GPC6: variants seen among roughly 807,000 people sequenced by gnomAD.
GPC6 encodes the protein glypican-6.
In GPC6, 14 loss-of-function variants were observed where a neutral mutation model predicts 55.2. The observed-to-expected ratio is 0.25, with a 90% CI of 0.17 to 0.40. GPC6 has a LOEUF of 0.40. Among genes scored for constraint, GPC6 ranks in the 10% least tolerant of loss-of-function variants. The probability of loss-of-function intolerance (pLI) is 1.00; values close to 1 mark genes in which losing one functional copy is unlikely to be tolerated. For missense variants in GPC6, 641 were observed against 708.5 expected (o/e 0.90, Z 1.08); for synonymous variants, 278 against 259.6 (o/e 1.07, Z -0.68).
chr13:94,262,618 A>G (rs1891686317), intron 4 of GPC6, among the ~76,000 whole-genome samples: 1 of 150,754 alleles, frequency 6.6e-6, no homozygotes, highest in Non-Finnish European at 1.5e-5. Flanking sequence ...GATTGCAGTG[A>G]GACGAGATCG....
intron 6 of GPC6, among the ~76,000 whole-genome samples, chr13:94,312,578 T>C (rs992428154): frequency 5.3e-5 from 8 of 152,346 alleles, no homozygotes; most frequent in African/African-American, 1.7e-4. Flanking sequence ...TCCACTAGTT[T>C]GCATTTCAAA....
At position 93,701,388 on chromosome 13, in the gene GPC6, ATACTT is replaced by A. The variant is rs147788080; in HGVS notation, c.320-128763_320-128759del. On this transcript the variant is annotated intron_variant, in intron 2 of 8. Transcript: ENST00000377047. The stretch of plus-strand genomic sequence containing the variant: ...TTAAAAAAAGTACATACATTAATAA[ATACTT>A]TATTGCTAAAAATGCTAATGATCAT... Among the ~76,000 whole-genome samples, 688 of 152,164 alleles carry A rather than the reference ATACTT, an allele frequency of 4.5e-3. 3 individuals carry two copies. The highest frequency in any genetic ancestry group is 0.015 in the African/African-American group (633 of 41,560).
intron 4 of GPC6, among the ~76,000 whole-genome samples, chr13:94,045,957 C>A (rs982169319): frequency 1.3e-5 from 2 of 151,908 alleles, no homozygotes; most frequent in Non-Finnish European, 2.9e-5. Context: ...ATTATTGTCC[C>A]CATTTTACAG....
chr13:94,196,088 G>A (rs983519791), intron 4 of GPC6, among the ~76,000 whole-genome samples: 5 of 151,932 alleles, frequency 3.3e-5, no homozygotes, highest in African/African-American at 1.2e-4. Context: ...AAGATAGATG[G>A]CCTTTGAGAC....
chr13:93,874,347 G>T (rs1889223762), intron 3 of GPC6, among the ~76,000 whole-genome samples: 1 of 151,744 alleles, frequency 6.6e-6, no homozygotes, highest in Non-Finnish European at 1.5e-5. Flanking sequence ...ACGGCCTCCA[G>T]CTCCATCCAT....
chr13:94,057,165 T>C (rs1884160211), intron 4 of GPC6, among the ~76,000 whole-genome samples: 1 of 152,174 alleles, frequency 6.6e-6, no homozygotes, highest in Non-Finnish European at 1.5e-5. Flanking sequence ...AATTTAGAGG[T>C]TGATTATGTT....
At chr13:93,875,667 A>C (rs1889270192) in intron 3 of GPC6, among the ~76,000 whole-genome samples, 1 of 152,026 alleles carries the variant, frequency 6.6e-6, no homozygotes, top group African/African-American at 2.4e-5. Flanking sequence ...ATAATATAGA[A>C]AGAAAGCATT....
intron 3 of GPC6, among the ~76,000 whole-genome samples, chr13:94,009,018 A>C (rs1486570837): frequency 6.6e-6 from 1 of 152,186 alleles, no homozygotes; most frequent in African/African-American, 2.4e-5. Flanking sequence ...TAAGGCTCCA[A>C]GTGCTAAGAT....
intron 3 of GPC6, among the ~76,000 whole-genome samples, chr13:93,985,868 G>A (rs1881007315): frequency 6.6e-6 from 1 of 151,876 alleles, no homozygotes; most frequent in Non-Finnish European, 1.5e-5. Flanking sequence ...TAAAAAATCG[G>A]GGCTTCTGTT....
intron 2 of GPC6, among the ~76,000 whole-genome samples, chr13:93,553,470 A>G (rs1308825129): frequency 6.6e-6 from 1 of 151,872 alleles, no homozygotes; most frequent in African/African-American, 2.4e-5. Context: ...AGGCTGGCAG[A>G]TCAGAAGGCC....
At chr13:94,042,077 G>A (rs557131443) in intron 4 of GPC6, among the ~76,000 whole-genome samples, 19 of 151,892 alleles carry the variant, frequency 1.3e-4, no homozygotes, top group African/African-American at 3.9e-4. Flanking sequence ...CACCATCACC[G>A]TTGCTACTGT....
chr13:93,997,239 C>T lies in GPC6; in HGVS notation c.712-30490C>T, dbSNP rs1056186026. ...GGCTCTTAAATGCCATAGGAGACAT[C>T]ACTTTGAGCTACATCTGTGCCTTTC... On this transcript the variant is annotated intron_variant, in intron 3 of 8. Coordinates refer to ENST00000377047, the MANE Select transcript of GPC6 (RefSeq NM_005708.5). 4.6e-5 allele frequency among the ~76,000 whole-genome samples: 7 copies of T among 152,144 alleles called. No individual in the cohort carries two copies. The South Asian group carries it at 6.2e-4, about 14-fold the overall frequency.
chr13:94,312,686 A>G (rs906169067), intron 6 of GPC6, among the ~76,000 whole-genome samples: 1 of 151,370 alleles, frequency 6.6e-6, no homozygotes. Context: ...ACCCCAACAC[A>G]GACACACACG....
At chr13:93,351,377 C>G (rs1321668713) in intron 1 of GPC6, among the ~76,000 whole-genome samples, 2 of 151,776 alleles carry the variant, frequency 1.3e-5, no homozygotes, top group Non-Finnish European at 2.9e-5. Context: ...TGGATGATAA[C>G]AATTATAAGG....
rs544102200 is a variant in GPC6, at chr13:93,934,592, C to T, written c.712-93137C>T. On this transcript the variant is annotated intron_variant, in intron 3 of 8. Coordinates refer to ENST00000377047, the MANE Select transcript of GPC6 (RefSeq NM_005708.5). ...CAACAGGGAAATGCATTTCATTGAG[C>T]AGTCACTCCCCTTCCCCTTATCCCA... Among the ~76,000 whole-genome samples the T allele has an allele frequency of 2.6e-5, 4 of 152,262 alleles. No individual in the cohort carries two copies. In the East Asian group the frequency reaches 7.7e-4, roughly 29 times the overall value.
chr13:94,100,230 G>C (rs959894967), intron 4 of GPC6, among the ~76,000 whole-genome samples: 1 of 152,154 alleles, frequency 6.6e-6, no homozygotes, highest in Non-Finnish European at 1.5e-5. Context: ...AAATGAAGAA[G>C]AAAGCTAAGC....
At chr13:94,177,669 A>T (rs1888829831) in intron 4 of GPC6, among the ~76,000 whole-genome samples, 1 of 152,178 alleles carries the variant, frequency 6.6e-6, no homozygotes. Context: ...TGGACTATAC[A>T]TCATATAAGG....
intron 1 of GPC6, among the ~76,000 whole-genome samples, chr13:93,315,020 A>G (rs9516217): frequency 1.7e-3 from 261 of 152,232 alleles, no homozygotes; most frequent in Non-Finnish European, 3.2e-3. Flanking sequence ...AAAGTTGAAA[A>G]CAGTACATTG....
chr13:93,687,375 A>G (rs1882088278), intron 2 of GPC6, among the ~76,000 whole-genome samples: 1 of 152,088 alleles, frequency 6.6e-6, no homozygotes, highest in Non-Finnish European at 1.5e-5. Flanking sequence ...TTACATAAAT[A>G]TTTGTTGAAG....
Sources: gnomAD v4.1 joint callset for allele counts (sites outside exome capture counted in the v4.1 genomes callset) on GRCh38, gnomAD v4.1.1 for gene constraint, MANE v1.5 for transcripts, NCBI Gene and HGNC (gene_info 2026-07-23, HGNC 2026-07-21) for gene names.